The following CRISP3 variants were observed in gnomAD, a reference collection of about 807,000 sequenced individuals.
CRISP3 encodes the protein cysteine-rich secretory protein 3.
CRISP3 carries 33 observed loss-of-function variants against 36.1 expected under a neutral mutation model. The observed-to-expected ratio is 0.91, with a 90% CI of 0.69 to 1.22. CRISP3 has a LOEUF of 1.22. Among genes scored for constraint, CRISP3 ranks in the 50% most tolerant of loss-of-function variants. CRISP3 has a pLI of 0.00. For synonymous variants in CRISP3, 117 were observed against 104.6 expected, an observed-to-expected ratio of 1.12 and a Z score of -0.72; for missense variants, 330 against 301.2, an observed-to-expected ratio of 1.10 and a Z score of -0.71.
chr6:49,740,690 T>G (rs1036747778), intron 1 of CRISP3, among the ~76,000 whole-genome samples: 1 of 110,886 alleles, frequency 9.0e-6, no homozygotes, highest in Admixed American at 1.0e-4. Context: ...TGCCTGTTAG[T>G]TTCTACTCTT....
At chr6:49,729,121 A>G (rs1431669183) in intron 7 of CRISP3, among the ~76,000 whole-genome samples, 1 of 152,150 alleles carries the variant, frequency 6.6e-6, no homozygotes, top group East Asian at 1.9e-4. Context: ...GCAGAGTAAA[A>G]TTAATTTAAA....
At chr6:49,732,470 T>A (rs1024725314) in intron 6 of CRISP3, among the ~76,000 whole-genome samples, 5 of 152,198 alleles carry the variant, frequency 3.3e-5, no homozygotes, top group Non-Finnish European at 5.9e-5. Context: ...ATGTTGTGAA[T>A]ATATCTTCAA....
chr6:49,729,025 G>A (rs1314995126), intron 7 of CRISP3, among the ~76,000 whole-genome samples, 168 bp from the exon 8 acceptor site: 6 of 151,990 alleles, frequency 3.9e-5, no homozygotes, highest in Admixed American at 3.3e-4. Flanking sequence ...AGGTCACTTA[G>A]GTAAACACGC....
intron 6 of CRISP3, among the ~76,000 whole-genome samples, chr6:49,732,460 A>G (rs1169180786): frequency 6.6e-6 from 1 of 152,162 alleles, no homozygotes; most frequent in African/African-American, 2.4e-5. Flanking sequence ...GCTAATAGAT[A>G]TGTTGTGAAT....
At chr6:49,738,274 A>C (rs1436265229) in intron 1 of CRISP3, among the ~76,000 whole-genome samples, 1 of 152,232 alleles carries the variant, frequency 6.6e-6, no homozygotes, top group East Asian at 1.9e-4. Flanking sequence ...ATAAGGGTTA[A>C]AACATTGTAA....
chr6:49,742,271 C>T (rs1769225136), intron 1 of CRISP3, among the ~76,000 whole-genome samples: 1 of 152,132 alleles, frequency 6.6e-6, no homozygotes, highest in African/African-American at 2.4e-5. Flanking sequence ...CTAAACTAAC[C>T]TGATAATTGT....
intron 1 of CRISP3, among the ~76,000 whole-genome samples, chr6:49,738,004 C>T (rs1229741787): frequency 6.6e-6 from 1 of 152,148 alleles, no homozygotes; most frequent in Non-Finnish European, 1.5e-5. Context: ...ATGCAGCCAG[C>T]ATCCTAACTC....
chr6:49,740,705 C>T (rs1298332785), intron 1 of CRISP3, among the ~76,000 whole-genome samples: 5 of 64,388 alleles, frequency 7.8e-5, no homozygotes, highest in African/African-American at 3.6e-4. Context: ...ACTCTTGCCT[C>T]AAAACAATCG....
intron 1 of CRISP3, among the ~76,000 whole-genome samples, chr6:49,740,691 T>G (rs1052299691): frequency 2.8e-5 from 3 of 106,910 alleles, no homozygotes; most frequent in African/African-American, 1.1e-4. Context: ...GCCTGTTAGT[T>G]TCTACTCTTG....
Position 49,741,461 on chromosome 6 carries a change from T to C in CRISP3, c.37+2870A>G, listed in dbSNP as rs113434483. ...TATTAACTCATCAATTTCAAAAATA[T>C]ATTAAAAATATCATGACCAAGTAAA... On this transcript the variant is annotated intron_variant, in intron 1 of 7. Transcript: ENST00000263045. 6.3e-3 allele frequency among the ~76,000 whole-genome samples: 960 copies of C among 152,178 alleles called. 6 individuals carry two copies. Among genetic ancestry groups the C allele is most frequent in the African/African-American group, 0.021 (872 of 41,520 alleles).
intron 6 of CRISP3, among the ~76,000 whole-genome samples, chr6:49,732,708 T>G (rs1768944982): frequency 6.6e-6 from 1 of 152,316 alleles, no homozygotes; most frequent in South Asian, 2.1e-4. Flanking sequence ...GTCCAAGATT[T>G]AATCATTTCT....
chr6:49,731,083 G>T, intron 7 of CRISP3, 80 bp downstream of exon 7: 3 of 1,040,642 alleles, frequency 2.9e-6, no homozygotes, highest in Non-Finnish European at 4.3e-6. Flanking sequence ...GCTTAAGTTG[G>T]TTGTCTTCAG....
intron 6 of CRISP3, 123 bp downstream of exon 6, chr6:49,733,072 T>G: frequency 1.9e-6 from 1 of 535,316 alleles, no homozygotes; most frequent in Admixed American, 3.7e-5. Context: ...GTCTCAACTT[T>G]AGAAAACATT....
Position 49,736,483 on chromosome 6 carries a change from T to A in CRISP3, c.136A>T (p.Thr46Ser). ...TCCCTTTGCACTTGTGTTTGGGTGGTTAACAAAGCAGTAAAAGCGGGATCC... is the reference window on the plus strand; with the variant it reads ...TCCCTTTGCACTTGTGTTTGGGTGGATAACAAAGCAGTAAAAGCGGGATCC... ...DKDPAFTALL[T>S]TQTQVQREIV... Residue 46 changes from threonine to serine, a missense_variant, in exon 3 of 8, where the codon ACC becomes TCC. By Grantham distance (58) the Thr-to-Ser change is moderately conservative. Transcript: ENST00000263045. The A allele has an allele frequency of 6.2e-7, 1 of 1,613,532 alleles. No individual in the cohort carries two copies. The highest frequency in any genetic ancestry group is 8.5e-7 in the Non-Finnish European group (1 of 1,179,540).
At chr6:49,741,873 TTA>T (rs1398563926) in intron 1 of CRISP3, among the ~76,000 whole-genome samples, 1 of 147,266 alleles carries the variant, frequency 6.8e-6, no homozygotes, top group Admixed American at 6.8e-5. Context: ...TGTATACATT[TTA>T]TGTTATATAT....
At chr6:49,731,389 TCA>T (rs1768914284) in intron 6 of CRISP3, 138 bp from the exon 7 acceptor site, 4 of 484,654 alleles carry the variant, frequency 8.3e-6, no homozygotes, top group Non-Finnish European at 1.5e-5. Flanking sequence ...AAATATAATC[TCA>T]GAGTATATTC....
chr6:49,742,611 G>T (rs1414153421), intron 1 of CRISP3, among the ~76,000 whole-genome samples: 4 of 124,508 alleles, frequency 3.2e-5, no homozygotes, highest in Admixed American at 1.0e-4. Flanking sequence ...CAGCCTGGGC[G>T]ACAGAGCAAG....
intron 1 of CRISP3, among the ~76,000 whole-genome samples, chr6:49,739,941 TTTCTG>T (rs1467121388): frequency 1.3e-5 from 2 of 152,194 alleles, no homozygotes; most frequent in Non-Finnish European, 2.9e-5. Context: ...TTTATATGGT[TTTCTG>T]TTCTGTTCTG....
chr6:49,733,018 A>G (rs1020712277), intron 6 of CRISP3, among the ~76,000 whole-genome samples, 177 bp downstream of exon 6: 1 of 152,194 alleles, frequency 6.6e-6, no homozygotes, highest in African/African-American at 2.4e-5. Context: ...AATACTTGGA[A>G]CTGGAACTGA....
Sources: allele counts gnomAD v4.1 joint callset (sites outside exome capture counted in the v4.1 genomes callset), GRCh38; gene constraint gnomAD v4.1.1; transcripts MANE v1.5; gene names NCBI Gene and HGNC (gene_info 2026-07-23, HGNC 2026-07-21).